FLVCR2: variants seen among roughly 807,000 people sequenced by gnomAD.
FLVCR2 encodes the protein choline/ethanolamine transporter FLVCR2.
Under a neutral mutation model 48.9 loss-of-function variants are expected in FLVCR2, and 38 were observed. The observed-to-expected ratio is 0.78, with a 90% CI of 0.60 to 1.02. FLVCR2 has a LOEUF of 1.02. Among genes scored for constraint, FLVCR2 ranks in the 50% least tolerant of loss-of-function variants. FLVCR2 has a pLI of 0.00. For synonymous variants in FLVCR2, 255 were observed against 257.0 expected (o/e 0.99, Z 0.07); for missense variants, 664 against 663.3 (o/e 1.00, Z -0.01).
At chr14:75,637,481 C>G (rs540642209) in intron 5 of FLVCR2, among the ~76,000 whole-genome samples, 1 of 152,250 alleles carries the variant, frequency 6.6e-6, no homozygotes, top group African/African-American at 2.4e-5. Context: ...AATCCCAGCA[C>G]TTTGGGAGGC....
At chr14:75,603,720 C>G (rs768514693) in intron 1 of FLVCR2, among the ~76,000 whole-genome samples, 4 of 152,152 alleles carry the variant, frequency 2.6e-5, no homozygotes, top group African/African-American at 9.7e-5. Flanking sequence ...GATACTCCCC[C>G]CTTAGATGCT....
At chr14:75,634,885 A>G in intron 4 of FLVCR2, 25 bp from the exon 5 acceptor site, 1 of 1,537,908 alleles carries the variant, frequency 6.5e-7, no homozygotes, top group African/African-American at 1.4e-5. Flanking sequence ...TCGCCGGGTG[A>G]TCTTTGGGGT....
At chr14:75,627,481 G>GCCTTGGGGCTC (rs1655881056) in intron 3 of FLVCR2, among the ~76,000 whole-genome samples, 1 of 152,150 alleles carries the variant, frequency 6.6e-6, no homozygotes, top group South Asian at 2.1e-4. Context: ...CCCTACTACA[G>GCCTTGGGGCTC]CCTTGCAGCC....
At chr14:75,631,978 G>C (rs893436051) in intron 3 of FLVCR2, among the ~76,000 whole-genome samples, 2 of 152,118 alleles carry the variant, frequency 1.3e-5, no homozygotes, top group African/African-American at 4.8e-5. Context: ...GCTGCTCACT[G>C]TGTGCACAGT....
intron 9 of FLVCR2, among the ~76,000 whole-genome samples, chr14:75,644,396 AT>A (rs1566799084): frequency 6.6e-6 from 1 of 152,216 alleles, no homozygotes; most frequent in East Asian, 1.9e-4. Context: ...ATCTCACTCA[AT>A]ATTTCAGTTG....
rs774182457 is a variant in FLVCR2, at chr14:75,579,225, T to A, written c.253T>A (p.Trp85Arg). 6.2e-6 allele frequency: 10 copies of A among 1,614,196 alleles called. No homozygotes were observed. Among genetic ancestry groups the A allele is most frequent in the African/African-American group, 1.3e-5 (1 of 75,046 alleles). Reference sequence around the variant, plus strand: ...CGTGATCAAGGTGAGCAGGCGCCGTTGGGCCGTGGTCCTGGTGTTTAGCTG... The same window carrying A: ...CGTGATCAAGGTGAGCAGGCGCCGTAGGGCCGTGGTCCTGGTGTTTAGCTG... The part of the protein sequence containing the change: ...LSVIKVSRRR[W>R]AVVLVFSCYS... The change falls in exon 1 of 10, where the codon TGG becomes AGG. Residue 85 changes from tryptophan to arginine, a missense_variant. Coordinates refer to ENST00000238667, the MANE Select transcript of FLVCR2 (RefSeq NM_017791.3).
rs2140054590 is a variant in FLVCR2, at chr14:75,641,169, TA to T, written c.1342-12del. ...CTGGGCCCTTGTTTCCTATCTTCTT[TA>T]TGCCTTTCCAGGTATTTGGGATCAT... On this transcript the variant is annotated splice_polypyrimidine_tract_variant and intron_variant, in intron 7 of 9. Transcript: ENST00000238667. The T allele has an allele frequency of 6.3e-7, 1 of 1,595,922 alleles. No individual in the cohort carries two copies. Among genetic ancestry groups the T allele is most frequent in the East Asian group, 2.2e-5 (1 of 44,782 alleles).
At chr14:75,643,535 T>G (rs1315217643) in intron 9 of FLVCR2, among the ~76,000 whole-genome samples, 1 of 152,200 alleles carries the variant, frequency 6.6e-6, no homozygotes, top group African/African-American at 2.4e-5. Context: ...TTTTTAGTGT[T>G]TGAAGGATCT....
At chr14:75,618,989 C>T (rs939969317) in intron 1 of FLVCR2, among the ~76,000 whole-genome samples, 3 of 151,826 alleles carry the variant, frequency 2.0e-5, no homozygotes, top group Non-Finnish European at 4.4e-5. Flanking sequence ...TTTGGGAGGC[C>T]GAGGCGGGCA....
At chr14:75,629,875 C>A (rs1889997120) in intron 3 of FLVCR2, among the ~76,000 whole-genome samples, 1 of 152,148 alleles carries the variant, frequency 6.6e-6, no homozygotes, top group African/African-American at 2.4e-5. Context: ...CTTGTGTATC[C>A]CAAGGTTCAC....
chr14:75,637,150 C>G (rs188085392), intron 5 of FLVCR2, among the ~76,000 whole-genome samples: 4 of 152,250 alleles, frequency 2.6e-5, no homozygotes, highest in Non-Finnish European at 4.4e-5. Context: ...GGTTTCAAAT[C>G]CAGCTTTGAG....
At chr14:75,580,360 C>CGA (rs1293855228) in intron 1 of FLVCR2, among the ~76,000 whole-genome samples, 5 of 152,198 alleles carry the variant, frequency 3.3e-5, no homozygotes. Context: ...ACCTGAATGC[C>CGA]GTCTCCAAAT....
intron 3 of FLVCR2, 109 bp from the exon 4 acceptor site, chr14:75,633,520 G>T (rs553959071): frequency 3.6e-6 from 3 of 839,988 alleles, no homozygotes; most frequent in Non-Finnish European, 6.3e-6. Flanking sequence ...TGCTCAGAGT[G>T]GCAGTGAGAT....
intron 1 of FLVCR2, chr14:75,595,763 GA>G (rs1323777347): frequency 2.9e-6 from 2 of 690,572 alleles, no homozygotes; most frequent in African/African-American, 1.8e-5. Context: ...ATATTCTTGT[GA>G]AAAATCCACA....
chr14:75,579,689 C>A, intron 1 of FLVCR2, 48 bp downstream of exon 1: 1 of 1,586,918 alleles, frequency 6.3e-7, no homozygotes, highest in Non-Finnish European at 8.6e-7. Context: ...TGTTAGATTG[C>A]ACCTAACTAT....
chr14:75,586,223 G>A (rs976816558), intron 1 of FLVCR2, among the ~76,000 whole-genome samples: 1 of 152,116 alleles, frequency 6.6e-6, no homozygotes. Context: ...TGGGATAGGC[G>A]GTGGGTTAGG....
chr14:75,622,256 G>C (rs777874637), intron 2 of FLVCR2, 36 bp downstream of exon 2: 3 of 1,609,728 alleles, frequency 1.9e-6, no homozygotes, highest in Non-Finnish European at 2.6e-6. Context: ...GTAGCAGGGG[G>C]CGAAGGGGCA....
chr14:75,619,109 A>G lies in FLVCR2; in HGVS notation c.670-2970A>G, dbSNP rs538931334. On this transcript the variant is annotated intron_variant, in intron 1 of 9. Transcript: ENST00000238667. Reference sequence around the variant, plus strand: ...CATGTTGGTGGGCACCTGTAATCCCAGCTACTTGGGAGGCTGAGGTAGGAG... The same window carrying G: ...CATGTTGGTGGGCACCTGTAATCCCGGCTACTTGGGAGGCTGAGGTAGGAG... Among the ~76,000 whole-genome samples the G allele has an allele frequency of 1.2e-4, 18 of 152,214 alleles. No individual in the cohort carries two copies. The South Asian group carries it at 3.7e-3, about 32-fold the overall frequency.
chr14:75,637,603 C>T (rs905481077), intron 5 of FLVCR2, among the ~76,000 whole-genome samples: 1 of 151,854 alleles, frequency 6.6e-6, no homozygotes, highest in Non-Finnish European at 1.5e-5. Context: ...TGGTGGCGGG[C>T]CCCTGTAGTC....
Sources: allele counts gnomAD v4.1 joint callset (sites outside exome capture counted in the v4.1 genomes callset), GRCh38; gene constraint gnomAD v4.1.1; transcripts MANE v1.5; gene names NCBI Gene and HGNC (gene_info 2026-07-23, HGNC 2026-07-21).